The following TRPC5 variants were observed in gnomAD, a reference collection of about 807,000 sequenced individuals.
TRPC5 encodes transient receptor potential cation channel subfamily C member 5.
Under a neutral mutation model 56.5 loss-of-function variants are expected in TRPC5, and 9 were observed. The observed-to-expected ratio is 0.16, with a 90% CI of 0.10 to 0.28. The LOEUF is 0.28. Ranked by LOEUF, TRPC5 falls within the 10% of genes least tolerant of loss-of-function variation. The probability of loss-of-function intolerance (pLI) is 1.00; values close to 1 mark genes in which losing one functional copy is unlikely to be tolerated. For synonymous variants in TRPC5, 282 were observed against 278.5 expected (o/e 1.01, Z -0.13); for missense variants, 469 against 748.9 (o/e 0.63, Z 4.36).
At chrX:111,964,214 A>C (rs1927486826) in intron 1 of TRPC5, among the ~76,000 whole-genome samples, 1 of 112,168 alleles carries the variant, frequency 8.9e-6, no homozygotes, top group Non-Finnish European at 1.9e-5. Flanking sequence ...AACTGGAAGA[A>C]AGGGTATCAG....
intron 2 of TRPC5, among the ~76,000 whole-genome samples, chrX:111,948,746 A>AAG (rs1926996313): frequency 9.1e-6 from 1 of 109,449 alleles, no homozygotes; most frequent in African/African-American, 3.3e-5. Flanking sequence ...AAAAAAAAAA[A>AAG]GAAAAAAAGT....
chrX:111,839,759 C>T (rs1297228173), intron 6 of TRPC5, among the ~76,000 whole-genome samples: 1 of 110,114 alleles, frequency 9.1e-6, no homozygotes, highest in East Asian at 2.8e-4. Flanking sequence ...CTCTGTTGTC[C>T]AGGCTGGAGT....
intron 2 of TRPC5, among the ~76,000 whole-genome samples, chrX:111,915,506 G>C (rs2148621957): frequency 9.0e-6 from 1 of 111,466 alleles, no homozygotes; most frequent in Non-Finnish European, 1.9e-5. Flanking sequence ...GCCACTCAGG[G>C]GCCATTGCAA....
intron 1 of TRPC5, among the ~76,000 whole-genome samples, chrX:111,971,396 G>A (rs1468553678): frequency 9.0e-6 from 1 of 111,476 alleles, no homozygotes; most frequent in Admixed American, 9.5e-5. Context: ...AATCCAGATA[G>A]AATCTCAATT....
chrX:111,929,095 A>T (rs1926335587), intron 2 of TRPC5, among the ~76,000 whole-genome samples: 1 of 112,158 alleles, frequency 8.9e-6, no homozygotes, highest in South Asian at 3.8e-4. Context: ...TCAAAGATGG[A>T]TGAAAAGTTG....
At chrX:111,990,229 C>T (rs1928317495) in intron 1 of TRPC5, among the ~76,000 whole-genome samples, 1 of 110,567 alleles carries the variant, frequency 9.0e-6, no homozygotes, top group South Asian at 3.9e-4. Context: ...ACCAGCCTGA[C>T]CAACAAGGTG....
intron 1 of TRPC5, among the ~76,000 whole-genome samples, chrX:112,053,058 C>T (rs1261258174): frequency 9.0e-6 from 1 of 111,446 alleles, no homozygotes; most frequent in African/African-American, 3.3e-5. Context: ...AAGTATGAAG[C>T]TGAGGGGTGG....
chrX:111,855,101 C>T (rs1201353907), intron 3 of TRPC5, among the ~76,000 whole-genome samples: 5 of 112,359 alleles, frequency 4.5e-5, no homozygotes, highest in Admixed American at 9.4e-5. Context: ...AACAGAGCTG[C>T]ACCATTTAGC....
At chrX:112,033,689 C>T (rs1268715523) in intron 1 of TRPC5, among the ~76,000 whole-genome samples, 1 of 111,268 alleles carries the variant, frequency 9.0e-6, no homozygotes, top group Non-Finnish European at 1.9e-5. Context: ...TAGGTTGCTG[C>T]CCCATTTTGT....
intron 1 of TRPC5, among the ~76,000 whole-genome samples, chrX:112,080,979 T>C (rs180680764): frequency 1.2e-3 from 131 of 112,374 alleles, no homozygotes; most frequent in Middle Eastern, 9.2e-3. Flanking sequence ...TCTATGTCTC[T>C]CCTACTCTTA....
At chrX:111,783,482 G>A (rs1243636072) in intron 7 of TRPC5, among the ~76,000 whole-genome samples, 1 of 110,824 alleles carries the variant, frequency 9.0e-6, no homozygotes, top group Non-Finnish European at 1.9e-5. Context: ...TATGTAGTGG[G>A]ATCTCATTAT....
intron 7 of TRPC5, among the ~76,000 whole-genome samples, chrX:111,826,431 C>G (rs903743980): frequency 2.7e-5 from 3 of 112,440 alleles, no homozygotes; most frequent in Non-Finnish European, 3.7e-5. Context: ...CTCCATAGTT[C>G]TGAATGTTTT....
intron 1 of TRPC5, among the ~76,000 whole-genome samples, chrX:112,064,813 G>A (rs1456346562): frequency 8.9e-6 from 1 of 112,069 alleles, no homozygotes; most frequent in Admixed American, 9.4e-5. Context: ...AGTGGCTCAC[G>A]CCTGTAATCC....
At chrX:112,045,725 A>G (rs2147730051) in intron 1 of TRPC5, among the ~76,000 whole-genome samples, 1 of 112,216 alleles carries the variant, frequency 8.9e-6, no homozygotes, top group African/African-American at 3.2e-5. Context: ...TGAGTTATTT[A>G]AAGTCAATGG....
At position 111,771,716 on chromosome X, in the gene TRPC5, A is replaced by AT. The variant is rs1293867069; in HGVS notation, c.*4596dup. Among the ~76,000 whole-genome samples, 2 of 110,467 alleles carry AT rather than the reference A, an allele frequency of 1.8e-5. No individual in the cohort carries two copies. The highest frequency in any genetic ancestry group is 3.8e-5 in the Non-Finnish European group (2 of 52,836). ...AATCTGAAGTATGCAGACTGACTTTATTTTGCCAAAAATGTGTATATTTAA... is the reference window on the plus strand; with the variant it reads ...AATCTGAAGTATGCAGACTGACTTTATTTTTGCCAAAAATGTGTATATTTAA... On this transcript the variant is annotated 3_prime_UTR_variant, in exon 11 of 11. Coordinates refer to ENST00000262839, the MANE Select transcript of TRPC5 (RefSeq NM_012471.3).
intron 1 of TRPC5, among the ~76,000 whole-genome samples, chrX:111,988,739 A>G: frequency 9.0e-6 from 1 of 111,134 alleles, no homozygotes; most frequent in East Asian, 2.8e-4. Context: ...AATGTCCTTT[A>G]CCATGCTTAT....
chrX:111,860,963 G>A (rs1297290393), intron 3 of TRPC5, among the ~76,000 whole-genome samples: 3 of 110,061 alleles, frequency 2.7e-5, no homozygotes, highest in African/African-American at 1.0e-4. Flanking sequence ...TTATGAAATA[G>A]AACTTTAGAT....
chrX:111,891,870 A>T (rs1387135743), intron 3 of TRPC5, among the ~76,000 whole-genome samples: 1 of 112,227 alleles, frequency 8.9e-6, no homozygotes, highest in Non-Finnish European at 1.9e-5. Flanking sequence ...ATTATAAGTT[A>T]ATGTATGTGA....
At chrX:111,961,904 A>G (rs1927392482) in intron 1 of TRPC5, among the ~76,000 whole-genome samples, 1 of 112,271 alleles carries the variant, frequency 8.9e-6, no homozygotes. Flanking sequence ...TAGTATGTAG[A>G]CATAAAAAGA....
Sources: gnomAD v4.1 joint callset for allele counts (sites outside exome capture counted in the v4.1 genomes callset) on GRCh38, gnomAD v4.1.1 for gene constraint, MANE v1.5 for transcripts, NCBI Gene and HGNC (gene_info 2026-07-23, HGNC 2026-07-21) for gene names.